RIMBP2: variants seen among roughly 807,000 people sequenced by gnomAD.
RIMBP2 encodes the protein RIMS binding protein 2.
RIMBP2 carries 48 observed loss-of-function variants against 118.6 expected under a neutral mutation model. The observed-to-expected ratio is 0.40, with a 90% CI of 0.32 to 0.51. RIMBP2 has a LOEUF of 0.51. Among genes scored for constraint, RIMBP2 ranks in the 20% least tolerant of loss-of-function variants. The pLI, the probability that RIMBP2 is intolerant of heterozygous loss-of-function variation, is 0.41. For missense variants in RIMBP2, 1,551 were observed against 1,768.3 expected (o/e 0.88, Z 2.20); for synonymous variants, 762 against 742.9 (o/e 1.03, Z -0.42).
intron 2 of RIMBP2, among the ~76,000 whole-genome samples, chr12:130,563,001 CT>C (rs888419974): frequency 3.3e-5 from 5 of 152,208 alleles, no homozygotes; most frequent in African/African-American, 9.6e-5. Context: ...CTGTGGACAG[CT>C]TTTGACTTTA....
chr12:130,616,629 T>A (rs1170212222), intron 2 of RIMBP2, among the ~76,000 whole-genome samples: 1 of 152,150 alleles, frequency 6.6e-6, no homozygotes, highest in Non-Finnish European at 1.5e-5. Context: ...TAGGAGACAA[T>A]GAATGAGATA....
At chr12:130,499,368 G>A (rs997384358) in intron 4 of RIMBP2, among the ~76,000 whole-genome samples, 6 of 152,152 alleles carry the variant, frequency 3.9e-5, no homozygotes, top group African/African-American at 7.2e-5. Flanking sequence ...CTCCTCTTGC[G>A]TACTACGTCT....
At chr12:130,687,522 C>T (rs755895530) in intron 1 of RIMBP2, among the ~76,000 whole-genome samples, 1 of 152,038 alleles carries the variant, frequency 6.6e-6, no homozygotes, top group Non-Finnish European at 1.5e-5. Context: ...GTCTTTGTGC[C>T]TTTGTTCTGC....
chr12:130,581,915 A>G lies in RIMBP2; in HGVS notation c.-217+46407T>C, dbSNP rs776258641. Among the ~76,000 whole-genome samples, 6 of 152,138 alleles carry G rather than the reference A, an allele frequency of 3.9e-5. No individual in the cohort carries two copies. The highest frequency in any genetic ancestry group is 2.1e-4 in the South Asian group (1 of 4,826). On this transcript the variant is annotated intron_variant, in intron 2 of 22. Coordinates refer to ENST00000690449, the MANE Select transcript of RIMBP2 (RefSeq NM_001393629.1). This position sits in a 1 kb window ranked among gnomAD's most constrained non-coding sequence, Gnocchi z 4.4. ...AAACCAAAGGCCCGAAAGGCTCTGC[A>G]TGACCTGGCCTCTCCTCCCTCCCTG...
chr12:130,412,532 TCTC>T (rs1299147594), intron 19 of RIMBP2, 84 bp downstream of exon 19: 3 of 1,216,590 alleles, frequency 2.5e-6, no homozygotes, highest in East Asian at 2.4e-5. Flanking sequence ...CAATTTGGGG[TCTC>T]CTCATCACCG....
chr12:130,463,917 C>A (rs1002216349), intron 6 of RIMBP2, among the ~76,000 whole-genome samples: 1 of 151,832 alleles, frequency 6.6e-6, no homozygotes, highest in Non-Finnish European at 1.5e-5. Flanking sequence ...AGAGTGACCG[C>A]TGGTTGTCCT....
intron 1 of RIMBP2, among the ~76,000 whole-genome samples, chr12:130,711,467 T>G (rs1471929358): frequency 3.3e-5 from 5 of 152,204 alleles, no homozygotes; most frequent in Non-Finnish European, 5.9e-5. Context: ...ATGGCCTCAC[T>G]GGGGTTTTGT....
In RIMBP2 at chr12:130,543,205, A is replaced by G. The variant is rs150850139; in HGVS notation, c.-216-25288T>C. 3.6e-3 allele frequency among the ~76,000 whole-genome samples: 541 copies of G among 152,330 alleles called. 7 individuals carry two copies. The highest frequency in any genetic ancestry group is 5.5e-3 in the Non-Finnish European group (376 of 68,034). On this transcript the variant is annotated intron_variant, in intron 2 of 22. Coordinates refer to ENST00000690449, the MANE Select transcript of RIMBP2 (RefSeq NM_001393629.1). ...AATGGCATTTCCTCACACCCTTGTCAACATCAGCATTAGCATTCTTTAAAC... is the reference window on the plus strand; with the variant it reads ...AATGGCATTTCCTCACACCCTTGTCGACATCAGCATTAGCATTCTTTAAAC...
In RIMBP2 at chr12:130,408,580, G is replaced by C. The variant is rs183320260; in HGVS notation, c.3590-751C>G. ...GGAATTGCCCTAGGCTCTGCCCAGC[G>C]TGAGCGCTCCACACAGATAACAGGT... On this transcript the variant is annotated intron_variant, in intron 19 of 22. Coordinates refer to ENST00000690449, the MANE Select transcript of RIMBP2 (RefSeq NM_001393629.1). Among the ~76,000 whole-genome samples, 226 of 152,278 alleles carry C rather than the reference G, an allele frequency of 1.5e-3. 1 individual carries two copies. Among genetic ancestry groups the C allele is most frequent in the Admixed American group, 0.012 (181 of 15,300 alleles).
At chr12:130,613,706 C>T (rs2060708196) in intron 2 of RIMBP2, among the ~76,000 whole-genome samples, 1 of 150,448 alleles carries the variant, frequency 6.6e-6, no homozygotes, top group South Asian at 2.1e-4. Context: ...CCCAGCTACT[C>T]AGGAGGCTGA....
At chr12:130,487,851 C>T (rs1332530233) in intron 4 of RIMBP2, among the ~76,000 whole-genome samples, 1 of 152,070 alleles carries the variant, frequency 6.6e-6, no homozygotes, top group Non-Finnish European at 1.5e-5. Context: ...TGAGGCCTCT[C>T]GCCTAAAACA....
chr12:130,494,364 C>T (rs968304523), intron 4 of RIMBP2, among the ~76,000 whole-genome samples: 7 of 152,270 alleles, frequency 4.6e-5, no homozygotes, highest in African/African-American at 1.7e-4. Flanking sequence ...AGATGCAAAG[C>T]ACAGTGGCTC....
At chr12:130,527,522 A>G (rs898143812) in intron 2 of RIMBP2, among the ~76,000 whole-genome samples, 1 of 152,258 alleles carries the variant, frequency 6.6e-6, no homozygotes. Flanking sequence ...CAAGTTAGAG[A>G]CAAGCTCAAG....
intron 8 of RIMBP2, 152 bp downstream of exon 8, chr12:130,451,043 G>A: frequency 1.1e-6 from 1 of 885,296 alleles, no homozygotes; most frequent in Non-Finnish European, 1.7e-6. Flanking sequence ...CACATAGTAG[G>A]GCAAGGGAAT....
At chr12:130,712,656 C>T (rs1881061) in intron 1 of RIMBP2, among the ~76,000 whole-genome samples, 36,321 of 152,092 alleles carry the variant, frequency 0.24, 4,761 homozygotes, top group East Asian at 0.38. Flanking sequence ...ACAATACACT[C>T]TAAAATCATG....
At chr12:130,606,752 C>T (rs2060214911) in intron 2 of RIMBP2, among the ~76,000 whole-genome samples, 1 of 152,188 alleles carries the variant, frequency 6.6e-6, no homozygotes, top group African/African-American at 2.4e-5. Context: ...CTGCCCTGGT[C>T]CTACAGCCTG....
chr12:130,533,646 A>G (rs2053711035), intron 2 of RIMBP2, among the ~76,000 whole-genome samples: 1 of 152,238 alleles, frequency 6.6e-6, no homozygotes, highest in Admixed American at 6.5e-5. Flanking sequence ...TAGCAAAGCT[A>G]GAGAATCAAC....
rs971477556 is a variant in RIMBP2, at chr12:130,511,418, G to A, written c.-126-4648C>T. ...CAGCAGTCCTCGTTACCGCGAGCACGCGTCGAATTGTCACTCTACACCAAC... is the reference window on the plus strand; with the variant it reads ...CAGCAGTCCTCGTTACCGCGAGCACACGTCGAATTGTCACTCTACACCAAC... On this transcript the variant is annotated intron_variant, in intron 3 of 22. Coordinates refer to ENST00000690449, the MANE Select transcript of RIMBP2 (RefSeq NM_001393629.1). This position sits in a 1 kb window ranked among gnomAD's most constrained non-coding sequence, Gnocchi z 4.3. Among the ~76,000 whole-genome samples, 7 of 152,180 alleles carry A rather than the reference G, an allele frequency of 4.6e-5. No homozygotes were observed. Among genetic ancestry groups the A allele is most frequent in the Admixed American group, 1.3e-4 (2 of 15,276 alleles).
At position 130,511,988 on chromosome 12, in the gene RIMBP2, G is replaced by A. The variant is rs1422572672; in HGVS notation, c.-126-5218C>T. ...CACCAAGCTCAGGCTTCTGTGAGGG[G>A]CAGCTGGAAATAACCCCAGCTGATA... is the stretch of plus-strand genomic sequence containing the variant. On this transcript the variant is annotated intron_variant, in intron 3 of 22. Transcript: ENST00000690449. This position sits in a 1 kb window ranked among gnomAD's most constrained non-coding sequence, Gnocchi z 4.3. 1.3e-5 allele frequency among the ~76,000 whole-genome samples: 2 copies of A among 152,186 alleles called. No individual in the cohort carries two copies. Among genetic ancestry groups the A allele is most frequent in the Admixed American group, 1.3e-4 (2 of 15,276 alleles).
Sources: gnomAD v4.1 joint callset for allele counts (sites outside exome capture counted in the v4.1 genomes callset) on GRCh38, gnomAD v4.1.1 for gene constraint, Gnocchi (gnomAD v3.1) non-coding constraint, MANE v1.5 for transcripts, NCBI Gene and HGNC (gene_info 2026-07-23, HGNC 2026-07-21) for gene names.